The following RGS6 variants were observed in gnomAD, a reference collection of about 807,000 sequenced individuals.
RGS6 encodes regulator of G protein signaling 6, also known as regulator of G-protein signaling 6.
Under a neutral mutation model 78.5 loss-of-function variants are expected in RGS6, and 30 were observed. The observed-to-expected ratio is 0.38, with a 90% CI of 0.29 to 0.52. The LOEUF is 0.52. Ranked by LOEUF, RGS6 falls within the 20% of genes least tolerant of loss-of-function variation. The probability of loss-of-function intolerance (pLI) is 0.85; values close to 1 mark genes in which losing one functional copy is unlikely to be tolerated. For missense variants in RGS6, 495 were observed against 609.7 expected, an observed-to-expected ratio of 0.81 and a Z score of 1.98; for synonymous variants, 206 against 206.0, an observed-to-expected ratio of 1.00 and a Z score of 0.00.
intron 1 of RGS6, among the ~76,000 whole-genome samples, chr14:71,940,602 G>GGTA (rs1390245409): frequency 3.9e-5 from 6 of 152,132 alleles, no homozygotes; most frequent in Non-Finnish European, 7.4e-5. Flanking sequence ...TGTCCATTAT[G>GGTA]GTAGTTATGC....
the RGS6 span, among the ~76,000 whole-genome samples, chr14:71,890,386 G>GAGAGAGAGAGAGAGAA: frequency 6.6e-6 from 1 of 151,954 alleles, no homozygotes; most frequent in African/African-American, 2.4e-5. Flanking sequence ...GAGAGAGAGA[G>GAGAGAGAGAGAGAGAA]AGAGAGAAAT....
chr14:72,327,731 C>T (rs1018454998), intron 2 of RGS6, among the ~76,000 whole-genome samples: 1 of 152,144 alleles, frequency 6.6e-6, no homozygotes, highest in Non-Finnish European at 1.5e-5. Context: ...TGGGTTCTGT[C>T]CCTCCTGACT....
intron 2 of RGS6, among the ~76,000 whole-genome samples, chr14:72,140,826 C>G (rs993678855): frequency 1.3e-5 from 2 of 152,148 alleles, no homozygotes; most frequent in East Asian, 3.9e-4. Context: ...AGGATGCGGG[C>G]AAGCCAGGCA....
At chr14:71,941,426 C>T (rs1048963174) in intron 1 of RGS6, among the ~76,000 whole-genome samples, 1 of 152,142 alleles carries the variant, frequency 6.6e-6, no homozygotes, top group Non-Finnish European at 1.5e-5. Flanking sequence ...CATCTAGAAC[C>T]ACTCCTGGTA....
At chr14:71,949,797 C>G (rs959356729) in intron 1 of RGS6, among the ~76,000 whole-genome samples, 54 of 93,684 alleles carry the variant, frequency 5.8e-4, no homozygotes, top group African/African-American at 1.8e-3. Flanking sequence ...TTTTTTTTTG[C>G]CTTTTAGCCT....
At chr14:72,329,055 G>C (rs1333425416) in intron 2 of RGS6, among the ~76,000 whole-genome samples, 1 of 152,048 alleles carries the variant, frequency 6.6e-6, no homozygotes, top group Non-Finnish European at 1.5e-5. Context: ...ATATTTTTTA[G>C]TAGAGATGGC....
intron 2 of RGS6, among the ~76,000 whole-genome samples, chr14:72,065,699 A>G (rs1474722379): frequency 6.6e-6 from 1 of 152,194 alleles, no homozygotes; most frequent in African/African-American, 2.4e-5. Context: ...GGGTTTTCAG[A>G]GGAGTAAAGA....
chr14:72,538,368 G>A (rs1055726781), intron 16 of RGS6, among the ~76,000 whole-genome samples: 1 of 152,214 alleles, frequency 6.6e-6, no homozygotes, highest in Non-Finnish European at 1.5e-5. Context: ...CCCTAATTCA[G>A]CCTCTTTTCT....
chr14:71,919,932 C>T, the RGS6 span, among the ~76,000 whole-genome samples: 6 of 151,892 alleles, frequency 4.0e-5, no homozygotes, highest in South Asian at 4.2e-4. Context: ...AGGTGGAGGT[C>T]GCAGTGATCA....
intron 1 of RGS6, among the ~76,000 whole-genome samples, chr14:71,950,917 G>A (rs553700275): frequency 1.3e-5 from 2 of 152,230 alleles, no homozygotes; most frequent in African/African-American, 4.8e-5. Context: ...CAACATGCTG[G>A]CGAGGCTGAG....
At chr14:72,108,212 G>T (rs1597692670) in intron 2 of RGS6, among the ~76,000 whole-genome samples, 1 of 151,890 alleles carries the variant, frequency 6.6e-6, no homozygotes, top group African/African-American at 2.4e-5. Context: ...TAAAATCCTT[G>T]GCTTATATTT....
chr14:72,625,651 A>C, the RGS6 span, among the ~76,000 whole-genome samples: 2 of 152,318 alleles, frequency 1.3e-5, no homozygotes, highest in Admixed American at 1.3e-4. Context: ...CTAGGAAATA[A>C]ATGTATGTGT....
chr14:72,369,567 T>C (rs2083069949), intron 3 of RGS6, among the ~76,000 whole-genome samples: 1 of 152,158 alleles, frequency 6.6e-6, no homozygotes, highest in African/African-American at 2.4e-5. Context: ...TTTAGAAAAA[T>C]TGTGATTCAT....
intron 2 of RGS6, among the ~76,000 whole-genome samples, chr14:72,133,001 G>A (rs1436929928): frequency 2.0e-5 from 3 of 152,050 alleles, no homozygotes; most frequent in Non-Finnish European, 4.4e-5. Flanking sequence ...GTTTTGTAGT[G>A]TTTCTTTACA....
intron 7 of RGS6, among the ~76,000 whole-genome samples, chr14:72,468,472 T>C (rs1324851284): frequency 6.6e-6 from 1 of 152,052 alleles, no homozygotes; most frequent in Non-Finnish European, 1.5e-5. Flanking sequence ...GCTTCCAAAA[T>C]GCAATAATTT....
At chr14:72,341,371 G>A (rs1053406697) in intron 2 of RGS6, among the ~76,000 whole-genome samples, 8 of 152,194 alleles carry the variant, frequency 5.3e-5, no homozygotes, top group African/African-American at 1.9e-4. Context: ...CCTCCCACGA[G>A]GCCTCTGCTC....
rs189626370 is a variant in RGS6 at position 72,540,623 on chromosome 14, G to A, written c.1422+529G>A. ...GCGGCCGTGCTGCATGGGTCCTGGC[G>A]ATGTGGCCTAGCTGGCGTGTGTGTT... On this transcript the variant is annotated intron_variant, in intron 17 of 17. Coordinates refer to ENST00000553525, the MANE Select transcript of RGS6 (RefSeq NM_001204424.2). 3.4e-5 allele frequency: 50 copies of A among 1,453,654 alleles called. No individual in the cohort carries two copies. In the African/African-American group the frequency reaches 4.3e-4, roughly 13 times the overall value. 90.0% of individuals were successfully genotyped at this position (1,453,654 alleles called of 1,614,324 possible). A position where few individuals can be genotyped will look rare whatever the true frequency, so the allele number is the denominator to read the frequency against.
intron 3 of RGS6, among the ~76,000 whole-genome samples, chr14:72,419,015 C>A (rs2094008011): frequency 1.3e-5 from 2 of 152,172 alleles, no homozygotes; most frequent in South Asian, 4.1e-4. Flanking sequence ...AAGCTGGAGC[C>A]CACCCAGGGA....
intron 2 of RGS6, among the ~76,000 whole-genome samples, chr14:72,314,838 G>A (rs1483987457): frequency 1.3e-5 from 2 of 152,202 alleles, no homozygotes; most frequent in African/African-American, 4.8e-5. Context: ...TACAAGTTAT[G>A]TAAAACAGAG....
Sources: gnomAD v4.1 joint callset for allele counts (sites outside exome capture counted in the v4.1 genomes callset) on GRCh38, gnomAD v4.1.1 for gene constraint, MANE v1.5 for transcripts, NCBI Gene and HGNC (gene_info 2026-07-23, HGNC 2026-07-21) for gene names.